ERBB4: variants seen among roughly 807,000 people sequenced by gnomAD.
ERBB4 encodes the protein erb-b2 receptor tyrosine kinase 4, also known as receptor tyrosine-protein kinase erbB-4.
A neutral mutation model predicts 158.0 loss-of-function variants in ERBB4; 42 were observed. The ratio of observed to expected loss-of-function variants is 0.27; its 90% CI spans 0.21 to 0.34. The LOEUF (loss-of-function observed/expected upper bound fraction) is 0.34, where lower values mean the gene tolerates loss of function less well. ERBB4 is among the 10% of genes least tolerant of loss of function. The pLI, the probability that ERBB4 is intolerant of heterozygous loss-of-function variation, is 1.00. For missense variants in ERBB4, 1,333 were observed against 1,624.1 expected, an observed-to-expected ratio of 0.82 and a Z score of 3.08; for synonymous variants, 583 against 558.7, an observed-to-expected ratio of 1.04 and a Z score of -0.61.
chr2:212,037,555 T>C (rs1387526658), intron 2 of ERBB4, among the ~76,000 whole-genome samples: 1 of 152,232 alleles, frequency 6.6e-6, no homozygotes, highest in Non-Finnish European at 1.5e-5. Flanking sequence ...ACGTTCCTTA[T>C]GTAAGTTAAA....
intron 1 of ERBB4, among the ~76,000 whole-genome samples, chr2:212,324,070 T>C (rs12694277): frequency 0.61 from 91,356 of 149,970 alleles, 30,494 homozygotes; most frequent in East Asian, 0.74. Context: ...CTCAGTGAAC[T>C]GGTAAACTGT....
chr2:211,443,237 T>A (rs1438678004), intron 20 of ERBB4, among the ~76,000 whole-genome samples: 1 of 152,110 alleles, frequency 6.6e-6, no homozygotes, highest in Non-Finnish European at 1.5e-5. Flanking sequence ...GGAAAAGGTA[T>A]AATAAATTTT....
intron 1 of ERBB4, among the ~76,000 whole-genome samples, chr2:212,419,224 C>T (rs1433745659): frequency 6.6e-6 from 1 of 151,658 alleles, no homozygotes; most frequent in African/African-American, 2.4e-5. Flanking sequence ...TCAGACCAGA[C>T]AGATAATGTG....
intron 1 of ERBB4, among the ~76,000 whole-genome samples, chr2:212,340,729 C>T (rs2088669386): frequency 6.6e-6 from 1 of 152,300 alleles, no homozygotes; most frequent in South Asian, 2.1e-4. Flanking sequence ...TTTGCTCACC[C>T]ACTGCTCACC....
At chr2:211,397,277 T>C (rs985504026) in intron 25 of ERBB4, among the ~76,000 whole-genome samples, 2 of 152,176 alleles carry the variant, frequency 1.3e-5, no homozygotes, top group South Asian at 4.1e-4. Context: ...TTGTGAACCA[T>C]TTTGGAATTT....
chr2:212,192,410 G>A (rs1211307903), intron 1 of ERBB4, among the ~76,000 whole-genome samples: 3 of 151,626 alleles, frequency 2.0e-5, no homozygotes, highest in Admixed American at 2.0e-4. Context: ...TTTCTCCTGA[G>A]TATTATAATC....
intron 3 of ERBB4, among the ~76,000 whole-genome samples, chr2:211,930,177 G>A (rs1160772966): frequency 6.6e-6 from 1 of 152,060 alleles, no homozygotes; most frequent in Non-Finnish European, 1.5e-5. Context: ...CAGAATTTAA[G>A]GACTTGAAGC....
intron 3 of ERBB4, among the ~76,000 whole-genome samples, chr2:211,827,750 T>C (rs760512770): frequency 2.6e-5 from 4 of 152,128 alleles, no homozygotes; most frequent in African/African-American, 9.7e-5. Flanking sequence ...TTATTATACA[T>C]TGATGGCTAT....
intron 12 of ERBB4, among the ~76,000 whole-genome samples, chr2:211,693,839 C>G (rs1483294960): frequency 3.9e-5 from 6 of 152,146 alleles, no homozygotes; most frequent in African/African-American, 1.2e-4. Flanking sequence ...TTCTTGGGCT[C>G]TCAGAGGGAG....
chr2:212,079,842 C>A (rs1237862391), intron 2 of ERBB4, among the ~76,000 whole-genome samples: 1 of 152,138 alleles, frequency 6.6e-6, no homozygotes, highest in East Asian at 1.9e-4. Context: ...AGTGCAAAAT[C>A]TATTTTATTC....
chr2:212,020,558 T>G (rs2076626493), intron 2 of ERBB4, among the ~76,000 whole-genome samples: 2 of 152,234 alleles, frequency 1.3e-5, no homozygotes, highest in East Asian at 1.9e-4. Context: ...TTACTTATAT[T>G]TATGTAAATC....
intron 20 of ERBB4, among the ~76,000 whole-genome samples, chr2:211,510,591 A>C (rs895438638): frequency 4.6e-5 from 7 of 152,240 alleles, no homozygotes; most frequent in Admixed American, 2.6e-4. Flanking sequence ...TATCATTCAA[A>C]ATACTCAGAA....
intron 1 of ERBB4, among the ~76,000 whole-genome samples, chr2:212,167,298 C>G (rs2081376005): frequency 6.6e-6 from 1 of 152,132 alleles, no homozygotes; most frequent in South Asian, 2.1e-4. Flanking sequence ...AGACACTTCT[C>G]AAAAGAAGAT....
chr2:212,438,189 A>T (rs181212490), intron 1 of ERBB4, among the ~76,000 whole-genome samples: 1 of 152,090 alleles, frequency 6.6e-6, no homozygotes, highest in East Asian at 1.9e-4. Context: ...GTGATATAAC[A>T]TTCTATAATG....
intron 19 of ERBB4, among the ~76,000 whole-genome samples, chr2:211,610,587 A>G (rs1357778211): frequency 6.6e-6 from 1 of 152,124 alleles, no homozygotes; most frequent in Non-Finnish European, 1.5e-5. Context: ...CTAAGTCATC[A>G]TAAGTATCGG....
chr2:212,026,122 A>G (rs566409353), intron 2 of ERBB4, among the ~76,000 whole-genome samples: 1 of 151,872 alleles, frequency 6.6e-6, no homozygotes, highest in South Asian at 2.1e-4. Flanking sequence ...AAAGCAAGCA[A>G]GATTAAATGA....
At chr2:211,599,636 C>A (rs1162969859) in intron 19 of ERBB4, among the ~76,000 whole-genome samples, 1 of 151,332 alleles carries the variant, frequency 6.6e-6, no homozygotes, top group Non-Finnish European at 1.5e-5. Context: ...AATCTTTATA[C>A]CTCTATAGTC....
chr2:212,386,086 G>C (rs1001435524), intron 1 of ERBB4, among the ~76,000 whole-genome samples: 1 of 149,590 alleles, frequency 6.7e-6, no homozygotes, highest in Non-Finnish European at 1.5e-5. Flanking sequence ...TGATCCTTAA[G>C]TTTATTTATG....
At chr2:212,368,181 GC>G (rs2106377042) in intron 1 of ERBB4, among the ~76,000 whole-genome samples, 1 of 152,204 alleles carries the variant, frequency 6.6e-6, no homozygotes, top group African/African-American at 2.4e-5. Context: ...CAACCCAAAT[GC>G]CCATCAATCA....
Sources: allele counts gnomAD v4.1 joint callset (sites outside exome capture counted in the v4.1 genomes callset), GRCh38; gene constraint gnomAD v4.1.1; transcripts MANE v1.5; gene names NCBI Gene and HGNC (gene_info 2026-07-23, HGNC 2026-07-21).